NSD2: variants seen among roughly 807,000 people sequenced by gnomAD.
NSD2 encodes nuclear receptor binding SET domain protein 2.
In NSD2, 12 loss-of-function variants were observed where a neutral mutation model predicts 139.0. The observed-to-expected ratio is 0.09, with a 90% CI of 0.06 to 0.14. The LOEUF (loss-of-function observed/expected upper bound fraction) is 0.14. Ranked by LOEUF, NSD2 falls within the 10% of genes least tolerant of loss-of-function variation. The pLI is 1.00. For missense variants in NSD2, 1,155 were observed against 1,745.0 expected (o/e 0.66, Z 6.02); for synonymous variants, 669 against 648.7 (o/e 1.03, Z -0.48).
intron 6 of NSD2, among the ~76,000 whole-genome samples, chr4:1,934,875 AAAAATATATATAT>A (rs1722163806): frequency 1.5e-5 from 1 of 68,384 alleles, no homozygotes; most frequent in African/African-American, 5.9e-5. Context: ...AAAAAAAAAA[AAAAATATATATAT>A]ATATATATAT....
At chr4:1,893,452 G>A (rs1257339393) in intron 1 of NSD2, among the ~76,000 whole-genome samples, 2 of 152,014 alleles carry the variant, frequency 1.3e-5, no homozygotes, top group Non-Finnish European at 2.9e-5. Flanking sequence ...CAGCCTGGGC[G>A]ACAGAGACTC....
At chr4:1,968,426 A>T (rs1225960185) in intron 18 of NSD2, among the ~76,000 whole-genome samples, 1 of 152,210 alleles carries the variant, frequency 6.6e-6, no homozygotes, top group Admixed American at 6.5e-5. Flanking sequence ...TTGTTCTGTG[A>T]GGGTGGAGGG....
Position 1,879,986 on chromosome 4 carries a change from T to G in NSD2, c.-30+8444T>G, listed in dbSNP as rs534904536. ...TTTTCAAGGTGAGGGCCCTTTGATA[T>G]GTCTTCAGTGCCTAAATGTGGAAAG... is the stretch of plus-strand genomic sequence containing the variant. On this transcript the variant is annotated intron_variant, in intron 1 of 21. Transcript: ENST00000508803. Among the ~76,000 whole-genome samples the G allele has an allele frequency of 3.9e-5, 6 of 152,144 alleles. No homozygotes were observed. In the South Asian group the frequency reaches 8.3e-4, roughly 21 times the overall value.
intron 5 of NSD2, among the ~76,000 whole-genome samples, chr4:1,923,761 G>A (rs1277059491): frequency 1.3e-5 from 2 of 152,144 alleles, no homozygotes; most frequent in East Asian, 3.9e-4. Flanking sequence ...AGACCACAGT[G>A]TCCAAAACCA....
rs1723848973 is a variant in NSD2, at chr4:1,948,306, G to A, written c.1882-2766G>A. 2 of 1,065,622 alleles carry A rather than the reference G, an allele frequency of 1.9e-6. No homozygotes were observed. The highest frequency in any genetic ancestry group is 3.3e-5 in the African/African-American group (2 of 60,996). 66.0% of individuals were successfully genotyped at this position (1,065,622 alleles called of 1,614,324 possible). The stretch of plus-strand genomic sequence containing the variant: ...TTCCAAATGCATCTCGTTGGATATG[G>A]AATAGATCGTAGATGTTGTAGACTG... On this transcript the variant is annotated intron_variant, in intron 9 of 21. Coordinates refer to ENST00000508803, the MANE Select transcript of NSD2 (RefSeq NM_001042424.3). The surrounding 1 kb of genome is among the most constrained non-coding windows in gnomAD (Gnocchi z 4.5).
chr4:1,900,257 A>G (rs1716973341), intron 1 of NSD2, among the ~76,000 whole-genome samples: 2 of 152,088 alleles, frequency 1.3e-5, no homozygotes, highest in Non-Finnish European at 2.9e-5. Context: ...CACACATATT[A>G]GCTCTTTTAA....
In NSD2 at chr4:1,980,492, T is replaced by C. The variant is rs1430904684; in HGVS notation, c.*1583T>C. 4.3e-6 allele frequency: 1 copy of C among 233,240 alleles called. No homozygotes were observed. Among genetic ancestry groups the C allele is most frequent in the East Asian group, 6.0e-5 (1 of 16,582 alleles). The allele number at this position is 233,240 out of a possible 1,614,324, so 14.4% of individuals were successfully genotyped here. On this transcript the variant is annotated 3_prime_UTR_variant, in exon 22 of 22. Coordinates refer to ENST00000508803, the MANE Select transcript of NSD2 (RefSeq NM_001042424.3). ...CAGAACTCCCCTTGAAAACTGCTGC[T>C]GAGGCTCCTGTTAAATTTTCTGTGG...
At chr4:1,965,863 TGGAGGA>T (rs1423146474) in intron 18 of NSD2, among the ~76,000 whole-genome samples, 1 of 152,220 alleles carries the variant, frequency 6.6e-6, no homozygotes, top group African/African-American at 2.4e-5. Context: ...TGAGATGGCA[TGGAGGA>T]AACCCTCCCA....
Position 1,955,386 on chromosome 4 carries a change from AG to A in NSD2, c.2518+48del, listed in dbSNP as rs1309612157. ...TGCGGCACACGCCTCTCACACTCCC[AG>A]GAGCCACATATCAAGGCAGGCTCAT... On this transcript the variant is annotated intron_variant, in intron 13 of 21. Transcript: ENST00000508803. The surrounding 1 kb of genome is among the most constrained non-coding windows in gnomAD (Gnocchi z 4.7). The A allele has an allele frequency of 6.4e-7, 1 of 1,569,236 alleles. No homozygotes were observed.
chr4:1,938,408 T>G, intron 7 of NSD2, 43 bp from the exon 8 acceptor site: 1 of 1,208,052 alleles, frequency 8.3e-7, no homozygotes. Flanking sequence ...TTTCTTTTTT[T>G]TTTCTTTCTT....
intron 5 of NSD2, among the ~76,000 whole-genome samples, chr4:1,924,394 G>A (rs1424994870): frequency 6.6e-6 from 1 of 152,062 alleles, no homozygotes; most frequent in African/African-American, 2.4e-5. Flanking sequence ...ACTCTGGTAT[G>A]TTGCTCGGCT....
chr4:1,956,304 G>GT lies in NSD2; in HGVS notation c.2881+123dup. The GT allele has an allele frequency of 4.3e-6, 4 of 926,912 alleles. No individual in the cohort carries two copies. The highest frequency in any genetic ancestry group is 6.1e-6 in the Non-Finnish European group (4 of 660,720). 57.4% of individuals were successfully genotyped at this position (926,912 alleles called of 1,614,324 possible). A position where few individuals can be genotyped will look rare whatever the true frequency, so the allele number is the denominator to read the frequency against. The stretch of plus-strand genomic sequence containing the variant: ...AAATACTGGACTAAGCATTCAATCT[G>GT]TTTTTTTAAATTAGGAAAATGTTTG... On this transcript the variant is annotated intron_variant, in intron 15 of 21. Coordinates refer to ENST00000508803, the MANE Select transcript of NSD2 (RefSeq NM_001042424.3). The surrounding 1 kb of genome is among the most constrained non-coding windows in gnomAD (Gnocchi z 5.3).
chr4:1,953,133 G>A, intron 11 of NSD2, 191 bp from the exon 12 acceptor site: 1 of 1,546,876 alleles, frequency 6.5e-7, no homozygotes, highest in Non-Finnish European at 8.7e-7. Flanking sequence ...TCGCAGCAAG[G>A]TAATCCTTGA....
Position 1,981,636 on chromosome 4 carries a change from CAGG to C in NSD2, c.*2728_*2730del, listed in dbSNP as rs1727772443. 1.0e-5 allele frequency: 4 copies of C among 385,316 alleles called. No homozygotes were observed. The South Asian group carries it at 5.8e-4, about 56-fold the overall frequency. 23.9% of individuals were successfully genotyped at this position (385,316 alleles called of 1,614,324 possible). A position where few individuals can be genotyped will look rare whatever the true frequency, so the allele number is the denominator to read the frequency against. On this transcript the variant is annotated 3_prime_UTR_variant, in exon 22 of 22. Transcript: ENST00000508803. ...AAGTGAGAACCCAGCTGTCCGTCCT[CAGG>C]CCGGCCTTTCTTCCGGCGACACCCG...
intron 1 of NSD2, chr4:1,892,662 G>A (rs953278751): frequency 1.3e-5 from 2 of 150,948 alleles, no homozygotes; most frequent in Admixed American, 1.3e-4. Flanking sequence ...CCTCCGCCTC[G>A]GGTTTGAGCG....
chr4:1,924,624 T>C (rs1024958778), intron 5 of NSD2, among the ~76,000 whole-genome samples: 1 of 151,634 alleles, frequency 6.6e-6, no homozygotes, highest in Non-Finnish European at 1.5e-5. Flanking sequence ...TAAAACTGAG[T>C]TCTGGGCAGA....
intron 5 of NSD2, 31 bp from the exon 6 acceptor site, chr4:1,930,595 C>G (rs769597310): frequency 2.1e-5 from 33 of 1,571,616 alleles, no homozygotes; most frequent in Non-Finnish European, 2.8e-5. Flanking sequence ...ACGGATTTAA[C>G]TTCTCATTGC....
At chr4:1,884,672 G>A (rs1224359428) in intron 1 of NSD2, among the ~76,000 whole-genome samples, 5 of 152,058 alleles carry the variant, frequency 3.3e-5, no homozygotes, top group East Asian at 3.9e-4. Flanking sequence ...GATTATAGGC[G>A]TGAGCCACTG....
chr4:1,900,864 C>T lies in NSD2; in HGVS notation c.210C>T (p.Ala70=), dbSNP rs778644056. 7 of 1,613,536 alleles carry T rather than the reference C, an allele frequency of 4.3e-6. No individual in the cohort carries two copies. The highest frequency in any genetic ancestry group is 5.1e-6 in the Non-Finnish European group (6 of 1,179,604). The change falls in exon 2 of 22, where the codon GCC becomes GCT. Residue 70 remains alanine, a synonymous_variant. Coordinates refer to ENST00000508803, the MANE Select transcript of NSD2 (RefSeq NM_001042424.3). ...TGCAGAAGTTTAACGGCCACGACGC[C>T]CTGCCCTTTATTCCAGCCGACAAGC... The part of the protein sequence containing the change: ...GVMQKFNGHD[A]LPFIPADKLK...
Sources: gnomAD v4.1 joint callset for allele counts (sites outside exome capture counted in the v4.1 genomes callset) on GRCh38, gnomAD v4.1.1 for gene constraint, Gnocchi (gnomAD v3.1) non-coding constraint, MANE v1.5 for transcripts, NCBI Gene and HGNC (gene_info 2026-07-23, HGNC 2026-07-21) for gene names.